CCNE1: variants seen among roughly 807,000 people sequenced by gnomAD.
CCNE1 encodes G1/S-specific cyclin-E1.
A neutral mutation model predicts 54.1 loss-of-function variants in CCNE1; 8 were observed. The observed-to-expected ratio is 0.15, with a 90% CI of 0.09 to 0.27. CCNE1 has a LOEUF of 0.27. Ranked by LOEUF, CCNE1 falls within the 10% of genes least tolerant of loss-of-function variation. CCNE1 has a pLI of 1.00. For missense variants in CCNE1, 430 were observed against 514.9 expected (o/e 0.84, Z 1.60); for synonymous variants, 179 against 185.2 (o/e 0.97, Z 0.27).
At chr19:29,819,379 C>G (rs541956491) in intron 6 of CCNE1, among the ~76,000 whole-genome samples, 2 of 151,972 alleles carry the variant, frequency 1.3e-5, no homozygotes, top group East Asian at 3.9e-4. Flanking sequence ...AATTCCTGGG[C>G]TCAAGCAGTC....
intron 6 of CCNE1, among the ~76,000 whole-genome samples, 155 bp from the exon 7 acceptor site, chr19:29,820,547 C>CA (rs536843912): frequency 1.1e-3 from 154 of 136,822 alleles, no homozygotes; most frequent in Non-Finnish European, 1.4e-3. Flanking sequence ...TAAGGCACCT[C>CA]AAAAAAAAAA....
chr19:29,815,448 TG>T, intron 4 of CCNE1, among the ~76,000 whole-genome samples: 1 of 152,166 alleles, frequency 6.6e-6, no homozygotes, highest in Non-Finnish European at 1.5e-5. Flanking sequence ...GAGCTTTATC[TG>T]GCTTTGCTCT....
chr19:29,816,066 G>A (rs1974008628), intron 4 of CCNE1, among the ~76,000 whole-genome samples: 1 of 151,372 alleles, frequency 6.6e-6, no homozygotes, highest in African/African-American at 2.4e-5. Context: ...TGAGGCAGGA[G>A]GATCGCTTGA....
Position 29,812,592 on chromosome 19 carries a change from C to G in CCNE1, c.23+14C>G. The stretch of plus-strand genomic sequence containing the variant: ...GCGCAGGGAGCGGTGAGTGCCCGCG[C>G]CGCGGGGCCGGACGGGACGGGACGG... On this transcript the variant is annotated intron_variant, in intron 2 of 11. Transcript: ENST00000262643. 1 of 1,527,014 alleles carries G rather than the reference C, an allele frequency of 6.5e-7. No homozygotes were observed. The highest frequency in any genetic ancestry group is 2.0e-5 in the Admixed American group (1 of 48,834). The allele number at this position is 1,527,014 out of a possible 1,614,324, so 94.6% of individuals were successfully genotyped here.
Position 29,812,017 on chromosome 19 carries a change from C to T in CCNE1, c.-160C>T, listed in dbSNP as rs1263619185. On this transcript the variant is annotated 5_prime_UTR_variant, in exon 1 of 12. Coordinates refer to ENST00000262643, the MANE Select transcript of CCNE1 (RefSeq NM_001238.4). Reference sequence around the variant, plus strand: ...GGAGCAGCCGGCGCGGCCGCCAGCGCGGTGTAGGGGGCAGGCGCGGATCCC... The same window carrying T: ...GGAGCAGCCGGCGCGGCCGCCAGCGTGGTGTAGGGGGCAGGCGCGGATCCC... 2 of 147,104 alleles carry T rather than the reference C, an allele frequency of 1.4e-5. No individual in the cohort carries two copies. The highest frequency in any genetic ancestry group is 3.0e-5 in the Non-Finnish European group (2 of 65,878). The allele number at this position is 147,104 out of a possible 1,614,324, so 9.1% of individuals were successfully genotyped here. A position where few individuals can be genotyped will look rare whatever the true frequency, so the allele number is the denominator to read the frequency against.
rs756562829 is a variant in CCNE1 at position 29,822,594 on chromosome 19, G to C, written c.1101G>C (p.Leu367Phe). Reference sequence around the variant, plus strand: ...ACATACAGACCCACAGAGACAGCTTGGATTTGCTGGTCAGTGCTGCTCCTT... The same window carrying C: ...ACATACAGACCCACAGAGACAGCTTCGATTTGCTGGTCAGTGCTGCTCCTT... ...AHNIQTHRDS[L>F]DLLDKARAKK... Residue 367 changes from leucine to phenylalanine, a missense_variant, in exon 11 of 12, where the codon TTG becomes TTC. This residue lies in a region of CCNE1 where 303 missense variants were observed against 401.1 expected (regional missense o/e 0.76). Coordinates refer to ENST00000262643, the MANE Select transcript of CCNE1 (RefSeq NM_001238.4). 1 of 1,608,478 alleles carries C rather than the reference G, an allele frequency of 6.2e-7. No homozygotes were observed. The highest frequency in any genetic ancestry group is 8.5e-7 in the Non-Finnish European group (1 of 1,177,058).
In CCNE1 at chr19:29,823,543, C is replaced by T. The variant is rs908518906; in HGVS notation, c.1111-112C>T. ...CAGTCTGGATGAGAAAGCAAGTCTC[C>T]ATCTTGAGAAAAAAAAAAAATTTAA... On this transcript the variant is annotated intron_variant, in intron 11 of 11. Coordinates refer to ENST00000262643, the MANE Select transcript of CCNE1 (RefSeq NM_001238.4). 3.7e-5 allele frequency: 32 copies of T among 864,472 alleles called. No individual in the cohort carries two copies. The East Asian group carries it at 9.4e-4, about 25-fold the overall frequency. 53.6% of individuals were successfully genotyped at this position (864,472 alleles called of 1,614,324 possible).
At chr19:29,818,125 C>A (rs969046819) in intron 6 of CCNE1, among the ~76,000 whole-genome samples, 2 of 150,324 alleles carry the variant, frequency 1.3e-5, no homozygotes, top group Non-Finnish European at 2.9e-5. Context: ...CTCCCGGGTT[C>A]ATGCCATTCT....
chr19:29,819,366 T>G (rs1974099509), intron 6 of CCNE1, among the ~76,000 whole-genome samples: 1 of 150,460 alleles, frequency 6.6e-6, no homozygotes, highest in African/African-American at 2.4e-5. Context: ...CACTGCAGGC[T>G]CCAATTCCTG....
chr19:29,817,737 G>C (rs3218047), intron 6 of CCNE1, among the ~76,000 whole-genome samples, 196 bp downstream of exon 6: 2 of 151,774 alleles, frequency 1.3e-5, no homozygotes, highest in African/African-American at 2.4e-5. Context: ...TTATCCTTCA[G>C]ATGTTTTAAA....
At chr19:29,815,400 A>C (rs1193925008) in intron 4 of CCNE1, among the ~76,000 whole-genome samples, 1 of 152,160 alleles carries the variant, frequency 6.6e-6, no homozygotes, top group East Asian at 1.9e-4. Context: ...TGTCATGGAT[A>C]ATTTGCATGC....
intron 6 of CCNE1, 73 bp downstream of exon 6, chr19:29,817,614 T>A: frequency 6.6e-7 from 1 of 1,519,312 alleles, no homozygotes; most frequent in Non-Finnish European, 9.1e-7. Context: ...TTAGGACCTC[T>A]GTGTGGTTTA....
At chr19:29,820,666 CT>C (rs2145726634) in intron 6 of CCNE1, 35 bp from the exon 7 acceptor site, 1 of 1,483,880 alleles carries the variant, frequency 6.7e-7, no homozygotes, top group Non-Finnish European at 9.2e-7. Flanking sequence ...TCAAGTAAAA[CT>C]TACTTGTGCT....
At chr19:29,815,890 C>A (rs960803511) in intron 4 of CCNE1, among the ~76,000 whole-genome samples, 1 of 151,234 alleles carries the variant, frequency 6.6e-6, no homozygotes, top group Admixed American at 6.6e-5. Flanking sequence ...TGCGGTGGCT[C>A]AGGCTTGTAA....
intron 4 of CCNE1, 45 bp from the exon 5 acceptor site, chr19:29,817,092 T>C (rs1296956597): frequency 6.3e-7 from 1 of 1,593,710 alleles, no homozygotes; most frequent in Non-Finnish European, 8.6e-7. Flanking sequence ...ATGTAAGAGC[T>C]GTTTGCATCT....
intron 6 of CCNE1, 49 bp from the exon 7 acceptor site, chr19:29,820,653 C>G (rs773487414): frequency 7.4e-7 from 1 of 1,354,142 alleles, no homozygotes; most frequent in East Asian, 2.4e-5. Context: ...TTTTTCCCCT[C>G]CCTCAAGTAA....
chr19:29,814,842 C>T (rs1434140555), intron 4 of CCNE1, among the ~76,000 whole-genome samples: 1 of 152,202 alleles, frequency 6.6e-6, no homozygotes, highest in East Asian at 1.9e-4. Flanking sequence ...CTAAGATCTA[C>T]TTAACACGTC....
intron 4 of CCNE1, 51 bp from the exon 5 acceptor site, chr19:29,817,086 A>T (rs371619938): frequency 1.3e-6 from 2 of 1,582,864 alleles, no homozygotes; most frequent in South Asian, 2.3e-5. Context: ...TGGGTAATGT[A>T]AGAGCTGTTT....
At position 29,822,490 on chromosome 19, in the gene CCNE1, C is replaced by A; in HGVS notation, c.997C>A (p.Pro333Thr). The A allele has an allele frequency of 6.2e-7, 1 of 1,614,060 alleles. No homozygotes were observed. The highest frequency in any genetic ancestry group is 8.5e-7 in the Non-Finnish European group (1 of 1,180,022). Residue 333 changes from proline (P) to threonine (T), a missense_variant, in exon 11 of 12, where the codon CCA (proline) becomes ACA (threonine). Pro to Thr is a conservative substitution (Grantham distance 38). Coordinates refer to ENST00000262643, the MANE Select transcript of CCNE1 (RefSeq NM_001238.4). ...AGAGAACTGTGTCAAGTGGATGGTTCCATTTGCCATGGTTATAAGGGAGAC... is the reference window on the plus strand; with the variant it reads ...AGAGAACTGTGTCAAGTGGATGGTTACATTTGCCATGGTTATAAGGGAGAC... ...DIENCVKWMV[P>T]FAMVIRETGS...
Sources: gnomAD v4.1 joint callset for allele counts (sites outside exome capture counted in the v4.1 genomes callset) on GRCh38, gnomAD v4.1.1 for gene constraint, gnomAD v4.1.1 regional missense constraint, MANE v1.5 for transcripts, NCBI Gene and HGNC (gene_info 2026-07-23, HGNC 2026-07-21) for gene names.